The following FCHO2 variants were observed in gnomAD, a reference collection of about 807,000 sequenced individuals.
The protein encoded by FCHO2 is F-BAR domain only protein 2.
In FCHO2, 43 loss-of-function variants were observed where a neutral mutation model predicts 114.1. The observed-to-expected ratio is 0.38, with a 90% confidence interval of 0.30 to 0.49. The LOEUF is 0.49. Among genes scored for constraint, FCHO2 ranks in the 20% least tolerant of loss-of-function variants. The probability of loss-of-function intolerance (pLI) is 0.97; values close to 1 mark genes in which losing one functional copy is unlikely to be tolerated. For synonymous variants in FCHO2, 293 were observed against 315.2 expected, an observed-to-expected ratio of 0.93 and a Z score of 0.75; for missense variants, 807 against 950.4, an observed-to-expected ratio of 0.85 and a Z score of 1.98.
chr5:73,023,477 G>A (rs1424247961), intron 8 of FCHO2, among the ~76,000 whole-genome samples: 3 of 152,148 alleles, frequency 2.0e-5, no homozygotes, highest in Non-Finnish European at 4.4e-5. Context: ...TGAGGCAGGT[G>A]TATTACCTGA....
intron 1 of FCHO2, among the ~76,000 whole-genome samples, chr5:72,965,034 ATGACCAGTATATAAAGGGTTCG>A (rs1413007016): frequency 3.7e-4 from 56 of 152,112 alleles, no homozygotes; most frequent in Non-Finnish European, 5.4e-4. Context: ...TAAAGGGTTC[ATGACCAGTATATAAAGGGTTCG>A]TGACTATCCA....
In FCHO2 at chr5:73,026,911, C is replaced by T. The variant is rs182159682; in HGVS notation, c.797-7746C>T. Among the ~76,000 whole-genome samples the T allele has an allele frequency of 1.0e-2, 1,512 of 151,914 alleles. 54 individuals carry two copies. Among genetic ancestry groups the T allele is most frequent in the Admixed American group, 0.067 (1,026 of 15,262 alleles). ...TTCACCATGTTGGCTAGGCTGGTCTCGAACTCTTGGCCTGAAGCAGTCCAC... is the reference window on the plus strand; with the variant it reads ...TTCACCATGTTGGCTAGGCTGGTCTTGAACTCTTGGCCTGAAGCAGTCCAC... On this transcript the variant is annotated intron_variant, in intron 8 of 25. Transcript: ENST00000430046.
chr5:73,038,007 G>T, intron 10 of FCHO2: 1 of 187,234 alleles, frequency 5.3e-6, no homozygotes, highest in South Asian at 7.9e-5. Flanking sequence ...TGAACCACCC[G>T]CCTCAGCTTC....
At position 72,956,249 on chromosome 5, in the gene FCHO2, G is replaced by A. The variant is rs1387650021; in HGVS notation, c.33+120G>A. The A allele has an allele frequency of 1.6e-5, 21 of 1,335,616 alleles. No individual in the cohort carries two copies. The African/African-American group carries it at 2.6e-4, about 17-fold the overall frequency. 82.7% of individuals were successfully genotyped at this position (1,335,616 alleles called of 1,614,324 possible). ...CCTCCGGCAGGGCGAGCGTCCTCCT[G>A]CCGCGTCCCGCCTGGGTGAGGTCCG... On this transcript the variant is annotated intron_variant, in intron 1 of 25. Coordinates refer to ENST00000430046, the MANE Select transcript of FCHO2 (RefSeq NM_138782.3).
In FCHO2 at chr5:73,052,445, A is replaced by T; in HGVS notation, c.1111A>T (p.Met371Leu). ...PMHPNNSHHT[M>L]ASLDELKVSI... The stretch of plus-strand genomic sequence containing the variant: ...GCATCCAAATAACTCACATCACACA[A>T]TGGCTTCTTTGGATGAATTAAAAGT... The change falls in exon 13 of 26, where the codon ATG becomes TTG. Residue 371 changes from methionine to leucine, a missense_variant. By Grantham distance (15) the Met-to-Leu change is conservative. Coordinates refer to ENST00000430046, the MANE Select transcript of FCHO2 (RefSeq NM_138782.3). 2 of 1,599,682 alleles carry T rather than the reference A, an allele frequency of 1.3e-6. No individual in the cohort carries two copies. The highest frequency in any genetic ancestry group is 1.7e-6 in the Non-Finnish European group (2 of 1,172,518).
rs1196656177 is a variant in FCHO2 at position 73,017,277 on chromosome 5, T to A, written c.765T>A (p.Ala255=). Residue 255 remains alanine (A), a synonymous_variant, in exon 8 of 26, where the codon GCT becomes GCA. Coordinates refer to ENST00000430046, the MANE Select transcript of FCHO2 (RefSeq NM_138782.3). ...TTGAAAGTTTGATACAAAAATTTGC[T>A]GAGTCAAAAGGCACTGGGAAGGAAA... is the stretch of plus-strand genomic sequence containing the variant. ...TTVESLIQKF[A]ESKGTGKERP... 1.3e-6 allele frequency: 2 copies of A among 1,567,192 alleles called. No individual in the cohort carries two copies. The highest frequency in any genetic ancestry group is 1.7e-6 in the Non-Finnish European group (2 of 1,155,124).
At chr5:73,087,993 T>C in intron 25 of FCHO2, 75 bp from the exon 26 acceptor site, 5 of 1,586,756 alleles carry the variant, frequency 3.2e-6, no homozygotes, top group Non-Finnish European at 3.4e-6. Flanking sequence ...AGTTTTGTAT[T>C]GGTAACCACA....
At chr5:73,072,252 T>C (rs1742692015) in intron 19 of FCHO2, among the ~76,000 whole-genome samples, 3 of 152,042 alleles carry the variant, frequency 2.0e-5, no homozygotes, top group Admixed American at 2.0e-4. Context: ...AGTATTACAA[T>C]AACAAATGTT....
chr5:73,068,842 G>T, intron 19 of FCHO2, 63 bp downstream of exon 19: 2 of 1,477,820 alleles, frequency 1.4e-6, no homozygotes, highest in Non-Finnish European at 1.8e-6. Flanking sequence ...TGCTAAATAT[G>T]TATATATTTT....
At chr5:73,030,811 T>A (rs1245456334) in intron 8 of FCHO2, among the ~76,000 whole-genome samples, 1 of 152,184 alleles carries the variant, frequency 6.6e-6, no homozygotes, top group Non-Finnish European at 1.5e-5. Flanking sequence ...GCCAGGAGTC[T>A]CTCATGAGGT....
chr5:72,998,222 T>C (rs1176921908), intron 5 of FCHO2, among the ~76,000 whole-genome samples: 2 of 152,104 alleles, frequency 1.3e-5, no homozygotes, highest in African/African-American at 4.8e-5. Context: ...GCGCGGTGGC[T>C]CACACCTGTA....
At chr5:73,057,887 C>T (rs1757670516) in intron 16 of FCHO2, among the ~76,000 whole-genome samples, 1 of 152,112 alleles carries the variant, frequency 6.6e-6, no homozygotes, top group African/African-American at 2.4e-5. Context: ...ATTAATCTTC[C>T]CCATTCTCCT....
rs1026376649 is a variant in FCHO2 at position 73,089,440 on chromosome 5, T to C, written c.*1350T>C. 6 of 152,190 alleles carry C rather than the reference T, an allele frequency of 3.9e-5. No homozygotes were observed. The highest frequency in any genetic ancestry group is 7.2e-5 in the African/African-American group (3 of 41,464). 9.4% of individuals were successfully genotyped at this position (152,190 alleles called of 1,614,324 possible). ...CAATTTGTACATTTTAATTATTCAA[T>C]TTCTACTTTGTAAAAATAGGGAAAT... On this transcript the variant is annotated 3_prime_UTR_variant, in exon 26 of 26. Transcript: ENST00000430046.
intron 5 of FCHO2, among the ~76,000 whole-genome samples, chr5:73,003,841 C>A (rs1244478981): frequency 2.0e-5 from 3 of 151,618 alleles, no homozygotes; most frequent in African/African-American, 7.3e-5. Context: ...TTCAGGAGTT[C>A]GAGATCAGCT....
intron 8 of FCHO2, among the ~76,000 whole-genome samples, chr5:73,019,517 G>C (rs1755494249): frequency 6.6e-6 from 1 of 152,114 alleles, no homozygotes; most frequent in Admixed American, 6.5e-5. Flanking sequence ...CTCCAGCCTG[G>C]GTGACAGAGT....
intron 11 of FCHO2, among the ~76,000 whole-genome samples, chr5:73,043,445 G>T (rs1411692469): frequency 6.6e-6 from 1 of 151,994 alleles, no homozygotes; most frequent in East Asian, 1.9e-4. Context: ...GTGTGTATAT[G>T]TGTGTGTATA....
chr5:72,996,071 C>T lies in FCHO2; in HGVS notation c.495+5207C>T, dbSNP rs2112683323. Among the ~76,000 whole-genome samples the T allele has an allele frequency of 2.0e-5, 3 of 152,110 alleles. No individual in the cohort carries two copies. In the South Asian group the frequency reaches 6.2e-4, roughly 32 times the overall value. On this transcript the variant is annotated intron_variant, in intron 5 of 25. Transcript: ENST00000430046. ...TAGCCTGGCCAACATGGCAAAACCC[C>T]TTCTCTGCTAAAAAGACAAAAATTA...
intron 24 of FCHO2, among the ~76,000 whole-genome samples, chr5:73,084,074 G>A (rs1316572379): frequency 1.3e-5 from 2 of 152,040 alleles, no homozygotes; most frequent in African/African-American, 4.8e-5. Flanking sequence ...ATAATGCCAA[G>A]GAAAAGGCTG....
intron 2 of FCHO2, among the ~76,000 whole-genome samples, chr5:72,969,456 A>G (rs1185331345): frequency 6.6e-6 from 1 of 152,208 alleles, no homozygotes; most frequent in Non-Finnish European, 1.5e-5. Flanking sequence ...AAGGAATGCA[A>G]AAGCTCAAGT....
Sources: allele counts gnomAD v4.1 joint callset (sites outside exome capture counted in the v4.1 genomes callset), GRCh38; gene constraint gnomAD v4.1.1; transcripts MANE v1.5; gene names NCBI Gene and HGNC (gene_info 2026-07-23, HGNC 2026-07-21).